Variants in CDK14 observed in about 807,000 individuals in gnomAD.
CDK14 encodes cyclin-dependent kinase 14.
CDK14 carries 34 observed loss-of-function variants against 60.7 expected under a neutral mutation model. The ratio of observed to expected loss-of-function variants is 0.56; its 90% CI spans 0.43 to 0.75. The LOEUF (loss-of-function observed/expected upper bound fraction) is 0.75, where lower values mean the gene tolerates loss of function less well. Among genes scored for constraint, CDK14 ranks in the 30% least tolerant of loss-of-function variants. The pLI, the probability that CDK14 is intolerant of heterozygous loss-of-function variation, is 0.00. For synonymous variants in CDK14, 197 were observed against 203.7 expected, an observed-to-expected ratio of 0.97 and a Z score of 0.28; for missense variants, 482 against 564.1, an observed-to-expected ratio of 0.85 and a Z score of 1.47.
intron 3 of CDK14, among the ~76,000 whole-genome samples, chr7:90,729,647 A>G (rs1433424028): frequency 2.7e-5 from 4 of 150,770 alleles, no homozygotes; most frequent in Non-Finnish European, 4.4e-5. Context: ...CCCTGGGATG[A>G]CTTTTTTTAA....
intron 10 of CDK14, among the ~76,000 whole-genome samples, chr7:91,012,634 A>G (rs1796194492): frequency 6.6e-6 from 1 of 151,972 alleles, no homozygotes; most frequent in African/African-American, 2.4e-5. Flanking sequence ...TTATTACCCT[A>G]TATTTAAGTG....
At chr7:90,884,438 C>T (rs1791875855) in intron 6 of CDK14, among the ~76,000 whole-genome samples, 1 of 151,976 alleles carries the variant, frequency 6.6e-6, no homozygotes, top group Non-Finnish European at 1.5e-5. Context: ...TAAGAAAGGG[C>T]ACAAACAAAT....
At chr7:90,946,544 T>G (rs1490057165) in intron 8 of CDK14, among the ~76,000 whole-genome samples, 3 of 152,218 alleles carry the variant, frequency 2.0e-5, no homozygotes, top group Non-Finnish European at 2.9e-5. Context: ...TTTTTTTTCT[T>G]GAATTTGCTC....
At chr7:90,599,383 G>A (rs1365420791) in intron 1 of CDK14, among the ~76,000 whole-genome samples, 1 of 152,240 alleles carries the variant, frequency 6.6e-6, no homozygotes, top group African/African-American at 2.4e-5. Flanking sequence ...CCTTAAAACG[G>A]AGTTAGGCAG....
intron 5 of CDK14, chr7:90,824,668 A>G (rs1789662525): frequency 6.6e-6 from 1 of 152,218 alleles, no homozygotes; most frequent in African/African-American, 2.4e-5. Context: ...TCCTTAAAAT[A>G]TCCTTAAACA....
intron 8 of CDK14, among the ~76,000 whole-genome samples, chr7:90,931,931 G>T (rs551976030): frequency 6.6e-6 from 1 of 150,870 alleles, no homozygotes; most frequent in South Asian, 2.1e-4. Context: ...ACATGAATAC[G>T]TTTTTTTTTC....
chr7:91,127,429 C>T (rs1385397113), intron 14 of CDK14, among the ~76,000 whole-genome samples: 1 of 152,128 alleles, frequency 6.6e-6, no homozygotes, highest in Admixed American at 6.6e-5. Flanking sequence ...ATTTTCCCCC[C>T]TCTGCTAGTG....
rs1798705314 is a variant in CDK14, at chr7:91,088,546, G to A, written c.1154+9066G>A. Reference sequence around the variant, plus strand: ...AAAAATCTAGTATTGGTTTACAATGGAAGTCTCATAGAGTTTATATATATG... The same window carrying A: ...AAAAATCTAGTATTGGTTTACAATGAAAGTCTCATAGAGTTTATATATATG... On this transcript the variant is annotated intron_variant, in intron 12 of 14. Transcript: ENST00000380050. Among the ~76,000 whole-genome samples, 3 of 150,454 alleles carry A rather than the reference G, an allele frequency of 2.0e-5. No homozygotes were observed. In the South Asian group the frequency reaches 6.3e-4, roughly 32 times the overall value.
intron 2 of CDK14, among the ~76,000 whole-genome samples, chr7:90,636,535 C>G (rs1800154516): frequency 6.6e-6 from 1 of 151,708 alleles, no homozygotes; most frequent in Non-Finnish European, 1.5e-5. Context: ...ATTCAGTTTG[C>G]CAGTATTTTA....
At chr7:91,086,320 C>T (rs548910529) in intron 12 of CDK14, among the ~76,000 whole-genome samples, 2 of 152,148 alleles carry the variant, frequency 1.3e-5, no homozygotes, top group Non-Finnish European at 2.9e-5. Context: ...CTTTCCCTGC[C>T]TCCTCCCCTC....
chr7:90,857,203 G>C (rs999199411), intron 5 of CDK14, among the ~76,000 whole-genome samples: 5 of 151,768 alleles, frequency 3.3e-5, no homozygotes, highest in African/African-American at 9.7e-5. Flanking sequence ...TTTTAATCAT[G>C]ATGGGACTAG....
intron 5 of CDK14, among the ~76,000 whole-genome samples, chr7:90,849,018 A>G (rs1055882432): frequency 1.3e-5 from 2 of 152,076 alleles, no homozygotes; most frequent in Admixed American, 6.6e-5. Context: ...GTCTACTTCC[A>G]GTTTCCTCAT....
At chr7:90,751,965 A>G (rs774739655) in intron 4 of CDK14, among the ~76,000 whole-genome samples, 3 of 152,240 alleles carry the variant, frequency 2.0e-5, no homozygotes, top group Non-Finnish European at 4.4e-5. Context: ...TGTTCAATTC[A>G]ACAAGAAGAC....
intron 5 of CDK14, among the ~76,000 whole-genome samples, chr7:90,853,933 T>C (rs1584047694): frequency 6.6e-6 from 1 of 152,112 alleles, no homozygotes; most frequent in Admixed American, 6.6e-5. Flanking sequence ...TGGTGAATGG[T>C]CTGTTTCTCC....
chr7:91,112,079 C>T (rs561718357), intron 12 of CDK14, among the ~76,000 whole-genome samples: 15 of 152,048 alleles, frequency 9.9e-5, no homozygotes, highest in Non-Finnish European at 2.1e-4. Flanking sequence ...ATATTCAATG[C>T]AAGAAAATAT....
chr7:91,023,223 C>T (rs982186700), intron 10 of CDK14, among the ~76,000 whole-genome samples: 1 of 152,126 alleles, frequency 6.6e-6, no homozygotes. Flanking sequence ...TTAATCAGTA[C>T]ACAATTTACT....
At chr7:90,722,395 AG>A (rs563906424) in intron 2 of CDK14, among the ~76,000 whole-genome samples, 77 of 152,134 alleles carry the variant, frequency 5.1e-4, no homozygotes, top group Non-Finnish European at 7.2e-4. Flanking sequence ...TTGTAGAGAC[AG>A]GGTTTTTCCA....
At chr7:90,672,890 T>G (rs961461266) in intron 2 of CDK14, among the ~76,000 whole-genome samples, 1 of 152,142 alleles carries the variant, frequency 6.6e-6, no homozygotes, top group Admixed American at 6.6e-5. Flanking sequence ...TTATGACTAA[T>G]GTAGCTATAA....
intron 14 of CDK14, among the ~76,000 whole-genome samples, chr7:91,190,358 A>G (rs1342574627): frequency 6.6e-6 from 1 of 152,246 alleles, no homozygotes; most frequent in African/African-American, 2.4e-5. Context: ...TGGGAAAGAC[A>G]TTCCATTGAG....
Sources: gnomAD v4.1 joint callset for allele counts (sites outside exome capture counted in the v4.1 genomes callset) on GRCh38, gnomAD v4.1.1 for gene constraint, MANE v1.5 for transcripts, NCBI Gene and HGNC (gene_info 2026-07-23, HGNC 2026-07-21) for gene names.